The following KCNK2 variants were observed in gnomAD, a reference collection of about 807,000 sequenced individuals.
KCNK2 encodes potassium two pore domain channel subfamily K member 2, also known as potassium channel subfamily K member 2.
In KCNK2, 21 loss-of-function variants were observed where a neutral mutation model predicts 40.5. The observed-to-expected ratio is 0.52, with a 90% confidence interval of 0.37 to 0.75. KCNK2 has a LOEUF of 0.75. Ranked by LOEUF, KCNK2 falls within the 30% of genes least tolerant of loss-of-function variation. The pLI, the probability that KCNK2 is intolerant of heterozygous loss-of-function variation, is 0.00. For missense variants in KCNK2, 399 were observed against 531.6 expected (o/e 0.75, Z 2.45); for synonymous variants, 191 against 202.2 (o/e 0.94, Z 0.47).
At chr1:215,101,764 C>G (rs117251159) in intron 2 of KCNK2, among the ~76,000 whole-genome samples, 1 of 151,834 alleles carries the variant, frequency 6.6e-6, no homozygotes, top group Non-Finnish European at 1.5e-5. Context: ...TTGCCTATGA[C>G]GTAGCCATCA....
intron 1 of KCNK2, among the ~76,000 whole-genome samples, chr1:215,042,053 G>GATCTCATGAGACTTATTAACTA (rs1657586589): frequency 6.6e-6 from 1 of 151,962 alleles, no homozygotes; most frequent in Admixed American, 6.6e-5. Context: ...CTTATTAACT[G>GATCTCATGAGACTTATTAACTA]TCACAAAAAT....
chr1:215,070,104 G>A (rs992333644), intron 1 of KCNK2, among the ~76,000 whole-genome samples: 3 of 152,032 alleles, frequency 2.0e-5, no homozygotes, highest in African/African-American at 7.2e-5. Flanking sequence ...TTGAGACTGG[G>A]TAATTTATAT....
chr1:215,057,199 A>AT lies in KCNK2; in HGVS notation c.35-29153dup, dbSNP rs59891592. Among the ~76,000 whole-genome samples, 911 of 142,816 alleles carry AT rather than the reference A, an allele frequency of 6.4e-3. 8 individuals carry two copies. Among genetic ancestry groups the AT allele is most frequent in the East Asian group, 0.015 (74 of 4,858 alleles). The allele number at this position is 142,816 out of a possible 152,430, so 93.7% of individuals were successfully genotyped here. A position where few individuals can be genotyped will look rare whatever the true frequency, so the allele number is the denominator to read the frequency against. ...ACAATAGCAAACCAGAGGTACAAGT[A>AT]TTTTTTTTTTTTTTTTGGAGTGAAG... is the stretch of plus-strand genomic sequence containing the variant. On this transcript the variant is annotated intron_variant, in intron 1 of 6. Coordinates refer to the KCNK2 transcript ENST00000391895.
In KCNK2 at chr1:215,051,731, C is replaced by T. The variant is rs151079475; in HGVS notation, c.35-34637C>T. ...AGCATGTTTGGGAATAAAAGAAGAT[C>T]CGTATATGGCTAGAGTGAAGTGTGT... is the stretch of plus-strand genomic sequence containing the variant. On this transcript the variant is annotated intron_variant, in intron 1 of 6. Coordinates refer to the KCNK2 transcript ENST00000391895. 4.1e-4 allele frequency among the ~76,000 whole-genome samples: 62 copies of T among 152,136 alleles called. No individual in the cohort carries two copies. The East Asian group carries it at 0.011, about 26-fold the overall frequency.
At chr1:215,090,929 G>C (rs1432461089) in intron 2 of KCNK2, among the ~76,000 whole-genome samples, 2 of 152,052 alleles carry the variant, frequency 1.3e-5, no homozygotes, top group Non-Finnish European at 2.9e-5. Context: ...CATTTACTGA[G>C]GACCTCCAAT....
chr1:215,233,608 G>C (rs1228793157), intron 6 of KCNK2, among the ~76,000 whole-genome samples: 1 of 151,970 alleles, frequency 6.6e-6, no homozygotes, highest in African/African-American at 2.4e-5. Flanking sequence ...TTCCTTTGTT[G>C]ATTTTTTAAA....
At position 215,105,579 on chromosome 1, in the gene KCNK2, A is replaced by G. The variant is rs61818309; in HGVS notation, c.357+18901A>G. ...CCTGTTTTCAATTCTTTTATTTTTA[A>G]TTATTATTGATTTATTTATTTCAAC... On this transcript the variant is annotated intron_variant, in intron 2 of 6. Coordinates refer to ENST00000444842, the MANE Select transcript of KCNK2 (RefSeq NM_001017425.3). 9.7e-3 allele frequency among the ~76,000 whole-genome samples: 1,472 copies of G among 151,976 alleles called. 23 individuals carry two copies. Among genetic ancestry groups the G allele is most frequent in the South Asian group, 0.061 (295 of 4,818 alleles).
At chr1:215,226,367 G>A (rs575294906) in intron 6 of KCNK2, among the ~76,000 whole-genome samples, 6 of 152,222 alleles carry the variant, frequency 3.9e-5, no homozygotes, top group Admixed American at 6.5e-5. Context: ...CACTCTGTCC[G>A]CAAGCTGGAG....
chr1:215,070,467 T>A (rs1021146145), intron 1 of KCNK2, among the ~76,000 whole-genome samples: 1 of 149,964 alleles, frequency 6.7e-6, no homozygotes, highest in African/African-American at 2.5e-5. Flanking sequence ...TTTAATTGAC[T>A]TATAGTTCCA....
upstream of KCNK2, among the ~76,000 whole-genome samples, chr1:215,080,962 G>T (rs1171127064): frequency 2.0e-5 from 3 of 152,206 alleles, no homozygotes; most frequent in Non-Finnish European, 2.9e-5. Context: ...TAATGCTGGT[G>T]GGCCTATATC....
chr1:215,230,507 GTATATATA>G lies in KCNK2; in HGVS notation c.964-4303_964-4296del, dbSNP rs201898524. 5.6e-3 allele frequency among the ~76,000 whole-genome samples: 365 copies of G among 65,540 alleles called. 7 individuals are homozygous for G. The highest frequency in any genetic ancestry group is 0.02 in the South Asian group (61 of 3,036). The allele number at this position is 65,540 out of a possible 152,430, so 43.0% of individuals were successfully genotyped here. A position where few individuals can be genotyped will look rare whatever the true frequency, so the allele number is the denominator to read the frequency against. On this transcript the variant is annotated intron_variant, in intron 6 of 6. Transcript: ENST00000444842. ...CACACACACACACACACACACGGCTGTATATATATATATATATATATATATGTATATAT... is the reference window on the plus strand; with the variant it reads ...CACACACACACACACACACACGGCTGTATATATATATATATATGTATATAT...
At chr1:215,073,526 G>A (rs1017157702) in intron 1 of KCNK2, among the ~76,000 whole-genome samples, 1 of 152,138 alleles carries the variant, frequency 6.6e-6, no homozygotes, top group Non-Finnish European at 1.5e-5. Context: ...TTCTGGTAAT[G>A]AGGGAGACAG....
At chr1:215,093,730 AAT>A (rs1281772153) in intron 2 of KCNK2, among the ~76,000 whole-genome samples, 1 of 86,420 alleles carries the variant, frequency 1.2e-5, no homozygotes, top group Non-Finnish European at 2.1e-5. Flanking sequence ...AAAAATATAT[AAT>A]ATATAATATA....
At chr1:215,088,001 G>C (rs566873595) in intron 2 of KCNK2, among the ~76,000 whole-genome samples, 61 of 152,280 alleles carry the variant, frequency 4.0e-4, no homozygotes, top group Admixed American at 3.3e-3. Flanking sequence ...TGAAAATGCT[G>C]TTCACTTATA....
At chr1:215,217,618 A>G (rs1293559538) in intron 6 of KCNK2, among the ~76,000 whole-genome samples, 4 of 152,126 alleles carry the variant, frequency 2.6e-5, no homozygotes, top group South Asian at 2.1e-4. Flanking sequence ...AGCCCAAGAA[A>G]CCTAAATAAT....
intron 1 of KCNK2, among the ~76,000 whole-genome samples, chr1:215,018,623 G>A (rs1205660199): frequency 6.6e-6 from 1 of 152,162 alleles, no homozygotes; most frequent in African/African-American, 2.4e-5. Flanking sequence ...GATAGTATAT[G>A]TGCACAGTAT....
chr1:215,160,234 A>C (rs1663131750), intron 3 of KCNK2, among the ~76,000 whole-genome samples: 1 of 152,228 alleles, frequency 6.6e-6, no homozygotes, highest in Admixed American at 6.5e-5. Flanking sequence ...TTCTTAAGAA[A>C]TAACACAGCA....
At chr1:215,197,472 G>A (rs1664910828) in intron 6 of KCNK2, among the ~76,000 whole-genome samples, 2 of 152,086 alleles carry the variant, frequency 1.3e-5, no homozygotes, top group South Asian at 2.1e-4. Context: ...GAGATCGTGT[G>A]AGCATGCACA....
At chr1:215,042,681 A>T (rs1018939598) in intron 1 of KCNK2, among the ~76,000 whole-genome samples, 2 of 152,160 alleles carry the variant, frequency 1.3e-5, no homozygotes, top group African/African-American at 4.8e-5. Flanking sequence ...CACTAAACTT[A>T]GTGTCACCTT....
Sources: allele counts gnomAD v4.1 joint callset (sites outside exome capture counted in the v4.1 genomes callset), GRCh38; gene constraint gnomAD v4.1.1; transcripts MANE v1.5; gene names NCBI Gene and HGNC (gene_info 2026-07-23, HGNC 2026-07-21).